The following LRSAM1 variants were observed in gnomAD, a reference collection of about 807,000 sequenced individuals.
LRSAM1 encodes the protein leucine rich repeat and sterile alpha motif containing 1, also known as E3 ubiquitin-protein ligase LRSAM1.
A neutral mutation model predicts 118.1 loss-of-function variants in LRSAM1; 96 were observed. The ratio of observed to expected loss-of-function variants is 0.81; its 90% confidence interval spans 0.69 to 0.96. LRSAM1 has a LOEUF of 0.96. Ranked by LOEUF, LRSAM1 falls within the 40% of genes least tolerant of loss-of-function variation. LRSAM1 has a pLI of 0.00. For missense variants in LRSAM1, 804 were observed against 915.5 expected (o/e 0.88, Z 1.57); for synonymous variants, 322 against 364.2 (o/e 0.88, Z 1.32).
chr9:127,478,888 C>T (rs371175866), intron 11 of LRSAM1, 46 bp from the exon 12 acceptor site: 3 of 1,608,348 alleles, frequency 1.9e-6, no homozygotes, highest in African/African-American at 2.7e-5. Flanking sequence ...CCAGGGAGAA[C>T]CACTGCTGCC....
Position 127,502,940 on chromosome 9 carries a change from G to C in LRSAM1, c.*41G>C. The C allele has an allele frequency of 6.4e-7, 1 of 1,562,744 alleles. No individual in the cohort carries two copies. The highest frequency in any genetic ancestry group is 8.7e-7 in the Non-Finnish European group (1 of 1,155,104). On this transcript the variant is annotated 3_prime_UTR_variant, in exon 26 of 26. Coordinates refer to ENST00000300417, the MANE Select transcript of LRSAM1 (RefSeq NM_001005373.4). Reference sequence around the variant, plus strand: ...CTGGGCCTGGTCCTAGCCCTGCCTCGGCCACTGTGAGCCCCGGGCTCCTGC... The same window carrying C: ...CTGGGCCTGGTCCTAGCCCTGCCTCCGCCACTGTGAGCCCCGGGCTCCTGC...
At chr9:127,495,848 A>G in intron 22 of LRSAM1, 116 bp from the exon 23 acceptor site, 1 of 1,480,656 alleles carries the variant, frequency 6.8e-7, no homozygotes, top group Non-Finnish European at 9.1e-7. Flanking sequence ...TTTGTAGGAA[A>G]AATCCCGAGT....
intron 21 of LRSAM1, among the ~76,000 whole-genome samples, chr9:127,493,148 A>G (rs1323036410): frequency 1.3e-5 from 2 of 152,086 alleles, no homozygotes; most frequent in African/African-American, 2.4e-5. Flanking sequence ...TGCAGCCTTG[A>G]CTTCCTGGGC....
At chr9:127,500,358 C>CCAAAAAAAAAAA (rs1554762369) in intron 24 of LRSAM1, among the ~76,000 whole-genome samples, 2 of 93,566 alleles carry the variant, frequency 2.1e-5, no homozygotes, top group Non-Finnish European at 2.2e-5. Context: ...GAGACTGTCT[C>CCAAAAAAAAAAA]AAAAAAAAAA....
intron 24 of LRSAM1, among the ~76,000 whole-genome samples, chr9:127,498,353 A>AC (rs573783360): frequency 1.2e-4 from 19 of 152,022 alleles, no homozygotes; most frequent in Admixed American, 4.6e-4. Context: ...GATGTTCCTG[A>AC]CCCCCCAGCT....
At chr9:127,474,050 TC>T (rs2132048702) in intron 11 of LRSAM1, 119 bp downstream of exon 11, 1 of 1,489,752 alleles carries the variant, frequency 6.7e-7, no homozygotes, top group East Asian at 2.4e-5. Flanking sequence ...CCCAGATTCC[TC>T]CATAGAACTA....
chr9:127,474,027 C>A, intron 11 of LRSAM1, 96 bp downstream of exon 11: 1 of 1,565,504 alleles, frequency 6.4e-7, no homozygotes, highest in South Asian at 1.1e-5. Context: ...GGCGGTGGTT[C>A]AGAGCTGCAG....
rs1190581237 is a variant in LRSAM1, at chr9:127,454,495, G to A, written c.-32-1G>A. 1.2e-6 allele frequency: 2 copies of A among 1,613,030 alleles called. No homozygotes were observed. Among genetic ancestry groups the A allele is most frequent in the Non-Finnish European group, 1.7e-6 (2 of 1,179,280 alleles). ...TCCCTAACTTCTCTCCTGTGCCCCAGGGTCCTAAAGATCGCTCTGGGAAAA... is the reference window on the plus strand; with the variant it reads ...TCCCTAACTTCTCTCCTGTGCCCCAAGGTCCTAAAGATCGCTCTGGGAAAA... On this transcript the variant is annotated splice_acceptor_variant, in intron 2 of 25. Transcript: ENST00000300417. LOFTEE classifies it low-confidence loss of function (5UTR_SPLICE).
chr9:127,487,714 C>G lies in LRSAM1; in HGVS notation c.1298C>G (p.Ser433Trp). The G allele has an allele frequency of 6.2e-7, 1 of 1,613,748 alleles. No individual in the cohort carries two copies. The highest frequency in any genetic ancestry group is 8.5e-7 in the Non-Finnish European group (1 of 1,179,894). The stretch of plus-strand genomic sequence containing the variant: ...GATGAACGATTCCAGCAGATTCTGT[C>G]GTGGCAGCAAATGGATCAGAACAAA... ...EMDERFQQIL[S>W]WQQMDQNKAI... The change falls in exon 18 of 26, where the codon TCG (serine) becomes TGG (tryptophan). Residue 433 changes from serine to tryptophan, a missense_variant. Physicochemically the swap from Ser to Trp is radical, Grantham distance 177. Coordinates refer to ENST00000300417, the MANE Select transcript of LRSAM1 (RefSeq NM_001005373.4).
chr9:127,458,677 G>A (rs2243784), intron 6 of LRSAM1, among the ~76,000 whole-genome samples: 92,270 of 152,118 alleles, frequency 0.61, 28,333 homozygotes, highest in African/African-American at 0.64. Flanking sequence ...GAGTACCACT[G>A]TCAATATTTT....
At position 127,496,062 on chromosome 9, in the gene LRSAM1, G is replaced by A; in HGVS notation, c.1797G>A (p.Leu599=). The change falls in exon 23 of 26, where the codon CTG becomes CTA. Residue 599 remains leucine (L), a synonymous_variant. Transcript: ENST00000300417. ...CGCACCACCGCCTCTCACTGGACCT[G>A]CTGAGCCAAATGAGCCCAGGGGACC... The part of the protein sequence containing the change: ...IFAHHRLSLD[L]LSQMSPGDLA... The A allele has an allele frequency of 6.2e-7, 1 of 1,611,768 alleles. No homozygotes were observed. Among genetic ancestry groups the A allele is most frequent in the Non-Finnish European group, 8.5e-7 (1 of 1,180,022 alleles).
rs140467743 is a variant in LRSAM1, at chr9:127,454,543, C to T, written c.16C>T (p.Arg6Trp). The change falls in exon 3 of 26, where the codon CGG becomes TGG. Residue 6 changes from arginine (R) to tryptophan (W), a missense_variant. Transcript: ENST00000300417. MPLFF[R>W]KRKPSEEARK... ...AAAGGGAAGGATGCCGCTCTTCTTCCGGAAGCGGAAACCCAGTGAGGAGGC... is the reference window on the plus strand; with the variant it reads ...AAAGGGAAGGATGCCGCTCTTCTTCTGGAAGCGGAAACCCAGTGAGGAGGC... 28 of 1,613,948 alleles carry T rather than the reference C, an allele frequency of 1.7e-5. No individual in the cohort carries two copies. Among genetic ancestry groups the T allele is most frequent in the South Asian group, 1.2e-4 (11 of 91,070 alleles).
At chr9:127,479,340 C>T in intron 12 of LRSAM1, 43 bp from the exon 13 acceptor site, 2 of 1,613,736 alleles carry the variant, frequency 1.2e-6, no homozygotes, top group Non-Finnish European at 1.7e-6. Context: ...TCCTAACTCC[C>T]CCAGGGCCTG....
chr9:127,469,166 C>T (rs1442999655), intron 10 of LRSAM1, among the ~76,000 whole-genome samples: 1 of 151,976 alleles, frequency 6.6e-6, no homozygotes, highest in Non-Finnish European at 1.5e-5. Flanking sequence ...AAAGACTTGA[C>T]TAAGAATTTT....
At chr9:127,487,245 T>A (rs1835765109) in intron 17 of LRSAM1, among the ~76,000 whole-genome samples, 1 of 151,126 alleles carries the variant, frequency 6.6e-6, no homozygotes, top group Non-Finnish European at 1.5e-5. Context: ...AGGCTGCAGG[T>A]TCTTGTGCCC....
At chr9:127,454,764 G>T (rs1588090647) in intron 3 of LRSAM1, among the ~76,000 whole-genome samples, 165 bp downstream of exon 3, 1 of 152,212 alleles carries the variant, frequency 6.6e-6, no homozygotes, top group East Asian at 1.9e-4. Context: ...CCCTGCCAAG[G>T]GTGCTTCTCC....
At chr9:127,467,612 C>T in intron 9 of LRSAM1, 128 bp from the exon 10 acceptor site, 2 of 894,918 alleles carry the variant, frequency 2.2e-6, no homozygotes, top group Admixed American at 2.0e-5. Flanking sequence ...GACAGTTCAG[C>T]CACCTCTGCT....
At chr9:127,459,216 G>GTTT in intron 7 of LRSAM1, 145 bp downstream of exon 7, 3 of 712,926 alleles carry the variant, frequency 4.2e-6, no homozygotes, top group Non-Finnish European at 7.0e-6. Flanking sequence ...GGCCCTTTGG[G>GTTT]GTTTTTTTTT....
chr9:127,479,864 T>G lies in LRSAM1; in HGVS notation c.929T>G (p.Leu310Arg), dbSNP rs1356642009. 1.9e-6 allele frequency: 3 copies of G among 1,612,300 alleles called. No homozygotes were observed. The Admixed American group carries it at 5.0e-5, about 27-fold the overall frequency. Residue 310 changes from leucine (L) to arginine (R), a missense_variant, in exon 14 of 26, where the codon CTG becomes CGG. Transcript: ENST00000300417. ...GAGCAGTCCCGGCTGGAGCAGGGCC[T>G]GAGTGAGCACCAGCGCCACCTCAAC... ...KEEQSRLEQG[L>R]SEHQRHLNAE...
Sources: allele counts gnomAD v4.1 joint callset (sites outside exome capture counted in the v4.1 genomes callset), GRCh38; gene constraint gnomAD v4.1.1; transcripts MANE v1.5; gene names NCBI Gene and HGNC (gene_info 2026-07-23, HGNC 2026-07-21).